The following B3GALT1 variants were observed in gnomAD, a reference collection of about 807,000 sequenced individuals.
B3GALT1 encodes the protein beta-1,3-galactosyltransferase 1.
In B3GALT1, 10 loss-of-function variants were observed where a neutral mutation model predicts 23.2. The ratio of observed to expected loss-of-function variants is 0.43; its 90% confidence interval spans 0.27 to 0.73. The LOEUF is 0.73. Ranked by LOEUF, B3GALT1 falls within the 30% of genes least tolerant of loss-of-function variation. The pLI, the probability that B3GALT1 is intolerant of heterozygous loss-of-function variation, is 0.21. For missense variants in B3GALT1, 299 were observed against 405.4 expected (o/e 0.74, Z 2.25); for synonymous variants, 156 against 141.5 (o/e 1.10, Z -0.73).
chr2:167,315,181 G>C (rs891266219), intron 1 of B3GALT1, among the ~76,000 whole-genome samples: 2 of 151,956 alleles, frequency 1.3e-5, no homozygotes, highest in African/African-American at 4.8e-5. Context: ...ATAATAAACT[G>C]TTTTTTTGCT....
intron 3 of B3GALT1, chr2:167,713,805 G>T: frequency 9.4e-6 from 15 of 1,593,288 alleles, no homozygotes; most frequent in Non-Finnish European, 8.6e-7. Context: ...CCCCTCTGTG[G>T]ATAGATGTTT....
At chr2:167,702,734 T>C (rs929519991) in intron 3 of B3GALT1, among the ~76,000 whole-genome samples, 1 of 152,180 alleles carries the variant, frequency 6.6e-6, no homozygotes, top group African/African-American at 2.4e-5. Context: ...GTTACTTGAT[T>C]TATAGTCCTC....
chr2:167,725,012 A>T (rs1687289420), intron 3 of B3GALT1, among the ~76,000 whole-genome samples: 1 of 152,206 alleles, frequency 6.6e-6, no homozygotes, highest in South Asian at 2.1e-4. Flanking sequence ...AATGAGACTC[A>T]TTTGTCCAGA....
chr2:167,616,116 C>T (rs1558925540), intron 2 of B3GALT1, among the ~76,000 whole-genome samples: 1 of 151,880 alleles, frequency 6.6e-6, no homozygotes, highest in Non-Finnish European at 1.5e-5. Context: ...TTTATAAATC[C>T]TTAGAAAATG....
chr2:167,363,709 T>A (rs1697535961), intron 1 of B3GALT1, among the ~76,000 whole-genome samples: 1 of 152,194 alleles, frequency 6.6e-6, no homozygotes, highest in South Asian at 2.1e-4. Context: ...CATCACTTAC[T>A]TTTGCCATGT....
At chr2:167,331,340 G>A (rs930881847) in intron 1 of B3GALT1, among the ~76,000 whole-genome samples, 3 of 152,164 alleles carry the variant, frequency 2.0e-5, no homozygotes, top group Admixed American at 6.5e-5. Flanking sequence ...GGCTTGCTTG[G>A]GTGCTGGGGA....
chr2:167,566,069 C>T (rs1289797979), intron 2 of B3GALT1, among the ~76,000 whole-genome samples: 5 of 151,976 alleles, frequency 3.3e-5, no homozygotes, highest in Non-Finnish European at 7.3e-5. Flanking sequence ...TATTGCGGCA[C>T]TATTCACAAT....
intron 3 of B3GALT1, among the ~76,000 whole-genome samples, chr2:167,754,635 G>T (rs1476993948): frequency 1.3e-5 from 2 of 152,048 alleles, no homozygotes; most frequent in Non-Finnish European, 2.9e-5. Flanking sequence ...AGATACAAAA[G>T]AATATATATA....
chr2:167,625,424 G>A (rs1341014907), intron 2 of B3GALT1, among the ~76,000 whole-genome samples: 1 of 151,686 alleles, frequency 6.6e-6, no homozygotes, highest in Non-Finnish European at 1.5e-5. Context: ...AAATTTTCTT[G>A]ACCAAGCAGT....
At chr2:167,594,075 C>A (rs1023060819) in intron 2 of B3GALT1, among the ~76,000 whole-genome samples, 1 of 152,080 alleles carries the variant, frequency 6.6e-6, no homozygotes, top group Non-Finnish European at 1.5e-5. Context: ...ACCTGGCTTA[C>A]AAAAAATAGC....
intron 3 of B3GALT1, among the ~76,000 whole-genome samples, chr2:167,723,364 CAGA>C (rs1272673499): frequency 1.3e-5 from 2 of 152,072 alleles, no homozygotes; most frequent in African/African-American, 4.8e-5. Flanking sequence ...AATTTCAAAG[CAGA>C]AGTTTTGCTT....
At chr2:167,318,547 A>G (rs1307139929) in intron 1 of B3GALT1, among the ~76,000 whole-genome samples, 2 of 151,938 alleles carry the variant, frequency 1.3e-5, no homozygotes, top group Non-Finnish European at 2.9e-5. Context: ...AAAAAATCCA[A>G]CTTAAGTTTC....
chr2:167,547,572 T>G (rs908624907), intron 2 of B3GALT1, among the ~76,000 whole-genome samples: 2 of 151,502 alleles, frequency 1.3e-5, no homozygotes, highest in Non-Finnish European at 2.9e-5. Context: ...CAGGTGCCTG[T>G]AATCCCAGCT....
intron 2 of B3GALT1, among the ~76,000 whole-genome samples, chr2:167,577,321 T>C (rs533318446): frequency 2.4e-4 from 36 of 152,030 alleles, no homozygotes; most frequent in African/African-American, 8.4e-4. Flanking sequence ...ACCAAATGAC[T>C]GGAATTCTAA....
At chr2:167,414,455 C>T (rs969504673) in intron 1 of B3GALT1, among the ~76,000 whole-genome samples, 6 of 152,112 alleles carry the variant, frequency 3.9e-5, no homozygotes, top group African/African-American at 1.4e-4. Flanking sequence ...TTTTTGTTCA[C>T]TATGTGTTAC....
chr2:167,555,938 C>G (rs1214657708), intron 2 of B3GALT1, among the ~76,000 whole-genome samples: 1 of 152,146 alleles, frequency 6.6e-6, no homozygotes, highest in Non-Finnish European at 1.5e-5. Context: ...ACCAGAGGCT[C>G]TGAATACATG....
chr2:167,706,276 A>G (rs1220616005), intron 3 of B3GALT1, among the ~76,000 whole-genome samples: 1 of 152,216 alleles, frequency 6.6e-6, no homozygotes, highest in African/African-American at 2.4e-5. Context: ...CTAATTGCAA[A>G]TCGGCTAAGA....
chr2:167,586,270 G>A (rs758269547), intron 2 of B3GALT1, among the ~76,000 whole-genome samples: 3 of 152,120 alleles, frequency 2.0e-5, no homozygotes, highest in Non-Finnish European at 2.9e-5. Flanking sequence ...CTCCTTGGGG[G>A]CATTTTGCCC....
chr2:167,792,965 A>G (rs1688471091), intron 3 of B3GALT1, among the ~76,000 whole-genome samples: 1 of 152,064 alleles, frequency 6.6e-6, no homozygotes, highest in Non-Finnish European at 1.5e-5. Context: ...TTCTGGGAGA[A>G]TAGTGCTATT....
Sources: gnomAD v4.1 joint callset for allele counts (sites outside exome capture counted in the v4.1 genomes callset) on GRCh38, gnomAD v4.1.1 for gene constraint, MANE v1.5 for transcripts, NCBI Gene and HGNC (gene_info 2026-07-23, HGNC 2026-07-21) for gene names.